RFX4: variants seen among roughly 807,000 people sequenced by gnomAD.
The protein encoded by RFX4 is transcription factor RFX4.
RFX4 carries 10 observed loss-of-function variants against 95.0 expected under a neutral mutation model. The observed-to-expected ratio is 0.11, with a 90% CI of 0.06 to 0.18. The LOEUF is 0.18. Ranked by LOEUF, RFX4 falls within the 10% of genes least tolerant of loss-of-function variation. The pLI is 1.00. For missense variants in RFX4, 640 were observed against 922.0 expected (o/e 0.69, Z 3.96); for synonymous variants, 321 against 340.7 (o/e 0.94, Z 0.64).
chr12:106,713,224 A>G (rs1486690277), intron 10 of RFX4, among the ~76,000 whole-genome samples: 1 of 152,046 alleles, frequency 6.6e-6, no homozygotes, highest in Non-Finnish European at 1.5e-5. Flanking sequence ...CCAACTGAAG[A>G]CTCACCTCAA....
At chr12:106,687,655 C>T (rs962966585) in intron 6 of RFX4, among the ~76,000 whole-genome samples, 1 of 152,026 alleles carries the variant, frequency 6.6e-6, no homozygotes, top group Non-Finnish European at 1.5e-5. Flanking sequence ...CCTAGTAATG[C>T]AAGATGTTAA....
At chr12:106,689,262 G>A in intron 6 of RFX4, 25 bp from the exon 7 acceptor site, 1 of 1,572,918 alleles carries the variant, frequency 6.4e-7, no homozygotes, top group Non-Finnish European at 8.7e-7. Context: ...TGTCTTTGTT[G>A]TTGATCCTCT....
chr12:106,694,758 G>A (rs148466724), intron 7 of RFX4, among the ~76,000 whole-genome samples: 9 of 152,146 alleles, frequency 5.9e-5, no homozygotes, highest in South Asian at 4.2e-4. Context: ...AGCTAATGGC[G>A]GCCAGGCGGT....
intron 5 of RFX4, 151 bp from the exon 6 acceptor site, chr12:106,686,733 G>A (rs1478566461): frequency 4.5e-6 from 3 of 660,186 alleles, no homozygotes; most frequent in Non-Finnish European, 7.8e-6. Context: ...TTACAGGAGA[G>A]TTAACTCTTC....
chr12:106,736,078 C>T (rs1289023540), intron 15 of RFX4, among the ~76,000 whole-genome samples: 1 of 152,202 alleles, frequency 6.6e-6, no homozygotes, highest in East Asian at 1.9e-4. Context: ...AATCTTTCCT[C>T]TCCCTCAACT....
At chr12:106,723,923 A>G (rs1245652156) in intron 13 of RFX4, among the ~76,000 whole-genome samples, 1 of 152,198 alleles carries the variant, frequency 6.6e-6, no homozygotes, top group Non-Finnish European at 1.5e-5. Flanking sequence ...AATTGTTCCC[A>G]TGCTAAAGCT....
intron 2 of RFX4, among the ~76,000 whole-genome samples, chr12:106,631,296 A>C (rs1307596934): frequency 1.3e-5 from 2 of 152,158 alleles, no homozygotes; most frequent in Non-Finnish European, 2.9e-5. Flanking sequence ...CATTTTATTC[A>C]TTCACTCATT....
intron 1 of RFX4, among the ~76,000 whole-genome samples, chr12:106,587,676 C>T (rs2039480644): frequency 6.6e-6 from 1 of 152,252 alleles, no homozygotes; most frequent in South Asian, 2.1e-4. Context: ...GGGCAGTGCG[C>T]CCGCCTCCCC....
intron 17 of RFX4, among the ~76,000 whole-genome samples, chr12:106,756,288 C>A (rs183514256): frequency 1.9e-4 from 29 of 152,338 alleles, no homozygotes; most frequent in African/African-American, 6.7e-4. Flanking sequence ...GCTACAAAAT[C>A]TTTCTGAGCC....
At chr12:106,593,128 T>C (rs7299692) in intron 1 of RFX4, among the ~76,000 whole-genome samples, 109,844 of 152,162 alleles carry the variant, frequency 0.72, 40,011 homozygotes, top group East Asian at 0.96. Flanking sequence ...ATAAAAGCAT[T>C]ATTGTGCCTC....
intron 1 of RFX4, among the ~76,000 whole-genome samples, chr12:106,596,228 C>A (rs770277007): frequency 6.6e-6 from 1 of 152,178 alleles, no homozygotes; most frequent in Non-Finnish European, 1.5e-5. Flanking sequence ...CTTTCCTGTG[C>A]TGTTCTTGCG....
At chr12:106,590,147 T>C (rs765499773) in intron 1 of RFX4, among the ~76,000 whole-genome samples, 2 of 152,270 alleles carry the variant, frequency 1.3e-5, no homozygotes, top group Non-Finnish European at 2.9e-5. Context: ...ATGGGGTTGT[T>C]GGCTTCATAG....
At chr12:106,634,368 T>C (rs1176304193) in intron 2 of RFX4, among the ~76,000 whole-genome samples, 3 of 152,116 alleles carry the variant, frequency 2.0e-5, no homozygotes, top group Admixed American at 2.0e-4. Flanking sequence ...GCAGACAGAA[T>C]TGCTCCAAAA....
intron 17 of RFX4, among the ~76,000 whole-genome samples, chr12:106,758,832 T>TA (rs1275645771): frequency 6.6e-6 from 1 of 152,248 alleles, no homozygotes; most frequent in Non-Finnish European, 1.5e-5. Flanking sequence ...ATGCCAGCTC[T>TA]TCCACTAGCT....
Position 106,724,994 on chromosome 12 carries a change from C to T in RFX4, c.1351+4118C>T, listed in dbSNP as rs774087567. ...CACCACTGAACTCCAGCCTGGGTGA[C>T]GGAGTGAGACTCCATCTCAAAAAAA... On this transcript the variant is annotated intron_variant, in intron 13 of 17. Coordinates refer to ENST00000392842, the MANE Select transcript of RFX4 (RefSeq NM_213594.3). Among the ~76,000 whole-genome samples the T allele has an allele frequency of 3.4e-5, 5 of 145,972 alleles. No individual in the cohort carries two copies. The East Asian group carries it at 5.9e-4, about 17-fold the overall frequency.
chr12:106,599,425 C>T (rs888635234), intron 1 of RFX4, among the ~76,000 whole-genome samples: 36 of 152,046 alleles, frequency 2.4e-4, no homozygotes, highest in African/African-American at 8.5e-4. Flanking sequence ...ATTCAAATCC[C>T]TGCTCAGCAG....
chr12:106,727,105 T>C (rs1248568088), intron 13 of RFX4, among the ~76,000 whole-genome samples: 11 of 152,180 alleles, frequency 7.2e-5, no homozygotes, highest in Admixed American at 7.2e-4. Context: ...AAAAAAATTC[T>C]AAATAAAACA....
At chr12:106,602,596 C>T (rs914329030) in intron 1 of RFX4, among the ~76,000 whole-genome samples, 2 of 152,168 alleles carry the variant, frequency 1.3e-5, no homozygotes, top group African/African-American at 2.4e-5. Flanking sequence ...CATCAGCCAC[C>T]TGAGCCTTCT....
At chr12:106,690,953 T>C (rs570123202) in intron 7 of RFX4, among the ~76,000 whole-genome samples, 1 of 152,326 alleles carries the variant, frequency 6.6e-6, no homozygotes, top group African/African-American at 2.4e-5. Flanking sequence ...TTTCATTTGC[T>C]TAATTCCAAC....
Sources: gnomAD v4.1 joint callset for allele counts (sites outside exome capture counted in the v4.1 genomes callset) on GRCh38, gnomAD v4.1.1 for gene constraint, MANE v1.5 for transcripts, NCBI Gene and HGNC (gene_info 2026-07-23, HGNC 2026-07-21) for gene names.